The following VPS13B variants were observed in gnomAD, a reference collection of about 807,000 sequenced individuals.
VPS13B encodes the protein vacuolar protein sorting 13 homolog B.
A neutral mutation model predicts 426.4 loss-of-function variants in VPS13B; 285 were observed. The observed-to-expected ratio is 0.67, with a 90% CI of 0.61 to 0.74. The LOEUF is 0.74. Ranked by LOEUF, VPS13B falls within the 30% of genes least tolerant of loss-of-function variation. The pLI is 0.00. For missense variants in VPS13B, 4,537 were observed against 4,782.6 expected (o/e 0.95, Z 1.51); for synonymous variants, 1,676 against 1,676.4 (o/e 1.00, Z 0.01).
intron 33 of VPS13B, among the ~76,000 whole-genome samples, chr8:99,597,312 G>A (rs1197842821): frequency 6.6e-6 from 1 of 151,994 alleles, no homozygotes; most frequent in Non-Finnish European, 1.5e-5. Flanking sequence ...AGTGAGAAAG[G>A]TAAACTGTCT....
intron 21 of VPS13B, among the ~76,000 whole-genome samples, chr8:99,425,762 G>C (rs528751070): frequency 1.3e-5 from 2 of 152,116 alleles, no homozygotes; most frequent in Non-Finnish European, 2.9e-5. Context: ...AAGTCAAATT[G>C]TCCCTGTTTG....
chr8:99,278,528 ATAGATGCC>A (rs1458862660), intron 19 of VPS13B, among the ~76,000 whole-genome samples: 1 of 152,242 alleles, frequency 6.6e-6, no homozygotes, highest in Admixed American at 6.5e-5. Context: ...AGAGGAGGAA[ATAGATGCC>A]TAGAAGTTCA....
chr8:99,023,946 T>C (rs1346482343), intron 2 of VPS13B, among the ~76,000 whole-genome samples: 1 of 152,262 alleles, frequency 6.6e-6, no homozygotes, highest in Admixed American at 6.5e-5. Context: ...GGATTATATC[T>C]AGTTCTATTT....
At chr8:99,050,335 T>G (rs1353684733) in intron 3 of VPS13B, among the ~76,000 whole-genome samples, 1 of 152,166 alleles carries the variant, frequency 6.6e-6, no homozygotes, top group African/African-American at 2.4e-5. Context: ...GTTTCCAGCT[T>G]CATCCATGTC....
At chr8:99,084,323 G>A (rs998566483) in intron 3 of VPS13B, among the ~76,000 whole-genome samples, 71 of 152,070 alleles carry the variant, frequency 4.7e-4, no homozygotes, top group Non-Finnish European at 2.9e-4. Flanking sequence ...ATTTTATTGC[G>A]TCTATTTGAT....
At chr8:99,072,155 T>C (rs536953144) in intron 3 of VPS13B, among the ~76,000 whole-genome samples, 21 of 152,204 alleles carry the variant, frequency 1.4e-4, no homozygotes, top group African/African-American at 4.6e-4. Flanking sequence ...AGCCTCTCCT[T>C]GTGGCCACCA....
chr8:99,468,692 T>A (rs1371238682), intron 24 of VPS13B, among the ~76,000 whole-genome samples: 1 of 152,130 alleles, frequency 6.6e-6, no homozygotes, highest in East Asian at 1.9e-4. Flanking sequence ...GCCACTGCAC[T>A]CCAGCCTGGG....
chr8:99,136,638 A>T (rs775839163), intron 11 of VPS13B, 27 bp from the exon 12 acceptor site: 1 of 1,612,184 alleles, frequency 6.2e-7, no homozygotes, highest in South Asian at 1.1e-5. Flanking sequence ...TACAATGTTT[A>T]TTCTGTTTGC....
At chr8:99,544,937 G>C (rs1823885408) in intron 30 of VPS13B, among the ~76,000 whole-genome samples, 1 of 152,144 alleles carries the variant, frequency 6.6e-6, no homozygotes, top group Non-Finnish European at 1.5e-5. Context: ...TTTTACAGTG[G>C]AGAAAACGAA....
At chr8:99,167,592 GAAGT>G (rs1435754942) in intron 15 of VPS13B, among the ~76,000 whole-genome samples, 8 of 151,922 alleles carry the variant, frequency 5.3e-5, no homozygotes, top group African/African-American at 1.4e-4. Flanking sequence ...AAATCTTACA[GAAGT>G]AAGTTGCCAT....
chr8:99,790,035 A>G (rs1429171305), intron 43 of VPS13B, among the ~76,000 whole-genome samples: 2 of 152,222 alleles, frequency 1.3e-5, no homozygotes, highest in South Asian at 2.1e-4. Flanking sequence ...CATACAGACT[A>G]AAAGGAACTT....
At chr8:99,815,877 G>C (rs943163450) in intron 44 of VPS13B, among the ~76,000 whole-genome samples, 1 of 152,206 alleles carries the variant, frequency 6.6e-6, no homozygotes, top group East Asian at 1.9e-4. Context: ...TGTCACCCAG[G>C]GTGGAGTACA....
chr8:99,636,845 A>G (rs888234139), intron 33 of VPS13B, among the ~76,000 whole-genome samples: 1 of 152,098 alleles, frequency 6.6e-6, no homozygotes, highest in African/African-American at 2.4e-5. Flanking sequence ...CGCAAAGTAC[A>G]TTTTCAAACA....
intron 17 of VPS13B, among the ~76,000 whole-genome samples, chr8:99,202,348 A>G (rs1814380422): frequency 6.6e-6 from 1 of 152,250 alleles, no homozygotes; most frequent in Admixed American, 6.5e-5. Flanking sequence ...CACTAGGCTC[A>G]CAGAAATGTA....
At chr8:99,200,119 T>G (rs1313798090) in intron 17 of VPS13B, among the ~76,000 whole-genome samples, 1 of 152,238 alleles carries the variant, frequency 6.6e-6, no homozygotes, top group Non-Finnish European at 1.5e-5. Flanking sequence ...CTATTGTGGA[T>G]GCTTCATATA....
chr8:99,547,595 C>T (rs576398318), intron 30 of VPS13B, among the ~76,000 whole-genome samples: 1 of 151,974 alleles, frequency 6.6e-6, no homozygotes, highest in African/African-American at 2.4e-5. Context: ...AAGGCCTGAC[C>T]CAGACTAAAT....
chr8:99,272,063 A>G (rs1818635902), intron 17 of VPS13B, among the ~76,000 whole-genome samples: 1 of 152,196 alleles, frequency 6.6e-6, no homozygotes, highest in South Asian at 2.1e-4. Context: ...TCTTTGAGAG[A>G]TTATGAGTCT....
chr8:99,839,830 CT>C (rs1815588239), intron 54 of VPS13B, among the ~76,000 whole-genome samples: 1 of 152,206 alleles, frequency 6.6e-6, no homozygotes, highest in African/African-American at 2.4e-5. Flanking sequence ...CCAGTGGTGG[CT>C]ATGAGAAATT....
At chr8:99,433,708 G>A (rs1817230513) in intron 22 of VPS13B, among the ~76,000 whole-genome samples, 1 of 152,106 alleles carries the variant, frequency 6.6e-6, no homozygotes, top group Admixed American at 6.6e-5. Flanking sequence ...TAAAACAACT[G>A]AATATTGAAA....
Sources: gnomAD v4.1 joint callset for allele counts (sites outside exome capture counted in the v4.1 genomes callset) on GRCh38, gnomAD v4.1.1 for gene constraint, MANE v1.5 for transcripts, NCBI Gene and HGNC (gene_info 2026-07-23, HGNC 2026-07-21) for gene names.